Variants in ZNF514 observed in about 807,000 individuals in gnomAD.
ZNF514 encodes the protein zinc finger protein 514.
A neutral mutation model predicts 9.7 loss-of-function variants in ZNF514; 12 were observed. That is an observed-to-expected ratio of 1.24 (90% CI 0.79 to 2.01). The LOEUF (loss-of-function observed/expected upper bound fraction) is 2.01. Among genes scored for constraint, ZNF514 ranks in the 30% most tolerant of loss-of-function variants. ZNF514 has a pLI of 0.00. For missense variants in ZNF514, 467 were observed against 465.5 expected, an observed-to-expected ratio of 1.00 and a Z score of -0.03; for synonymous variants, 158 against 163.7, an observed-to-expected ratio of 0.97 and a Z score of 0.27.
intron 1 of ZNF514, 158 bp downstream of exon 1, chr2:95,159,082 G>A (rs1190885732): frequency 1.7e-6 from 2 of 1,152,026 alleles, no homozygotes; most frequent in Non-Finnish European, 2.2e-6. Context: ...GCGGGACGCA[G>A]GCTGGGGCTG....
At chr2:95,128,701 GGAA>G in the ZNF514 span, among the ~76,000 whole-genome samples, 3 of 150,128 alleles carry the variant, frequency 2.0e-5, no homozygotes, top group African/African-American at 7.4e-5. Context: ...AGGAGGAGGA[GGAA>G]GAAGGAGAAA....
At chr2:95,151,456 A>T (rs1673542406) in intron 4 of ZNF514, among the ~76,000 whole-genome samples, 1 of 152,210 alleles carries the variant, frequency 6.6e-6, no homozygotes, top group Non-Finnish European at 1.5e-5. Context: ...AATGAAAAGA[A>T]AAAAGGTGCC....
At chr2:95,136,845 T>C in the ZNF514 span, among the ~76,000 whole-genome samples, 7 of 152,146 alleles carry the variant, frequency 4.6e-5, no homozygotes, top group Admixed American at 4.6e-4. Flanking sequence ...CTATCTGAGG[T>C]AAAATCAGCC....
intron 2 of ZNF514, chr2:95,155,346 G>A (rs1251228013): frequency 3.3e-5 from 5 of 152,242 alleles, no homozygotes; most frequent in Non-Finnish European, 7.3e-5. Context: ...CCACTCCCAA[G>A]ACCAAGGGTC....
chr2:95,154,553 A>G lies in ZNF514; in HGVS notation c.-6-1294T>C, dbSNP rs377015304. 2.6e-5 allele frequency: 4 copies of G among 152,364 alleles called. No individual in the cohort carries two copies. The East Asian group carries it at 7.7e-4, about 29-fold the overall frequency. 9.4% of individuals were successfully genotyped at this position (152,364 alleles called of 1,614,324 possible). A position where few individuals can be genotyped will look rare whatever the true frequency, so the allele number is the denominator to read the frequency against. On this transcript the variant is annotated intron_variant, in intron 2 of 4. Coordinates refer to ENST00000295208, the MANE Select transcript of ZNF514 (RefSeq NM_032788.3). Reference sequence around the variant, plus strand: ...CCTTCAGTAACTTGAAAGATGAACAATGAAAGCATGAGCTTGTGATGTTAT... The same window carrying G: ...CCTTCAGTAACTTGAAAGATGAACAGTGAAAGCATGAGCTTGTGATGTTAT...
At position 95,147,420 on chromosome 2, in the gene ZNF514, A is replaced by G. The variant is rs1008706340; in HGVS notation, c.*1862T>C. The G allele has an allele frequency of 2.0e-5, 3 of 152,222 alleles. No individual in the cohort carries two copies. Among genetic ancestry groups the G allele is most frequent in the African/African-American group, 7.2e-5 (3 of 41,472 alleles). The allele number at this position is 152,222 out of a possible 1,614,324, so 9.4% of individuals were successfully genotyped here. ...TTCAATGATTTTTAGTGAAGTTACC[A>G]AATCGTTCAACCATCACCACCATCT... is the stretch of plus-strand genomic sequence containing the variant. On this transcript the variant is annotated 3_prime_UTR_variant, in exon 5 of 5. Transcript: ENST00000295208.
In ZNF514 at chr2:95,159,311, C is replaced by T. The variant is rs1484523748; in HGVS notation, c.-167G>A. On this transcript the variant is annotated 5_prime_UTR_variant, in exon 1 of 5. Coordinates refer to ENST00000295208, the MANE Select transcript of ZNF514 (RefSeq NM_032788.3). ...CACGTGGATCCACACGCACAGTGGG[C>T]TCAGACTACCAGGAGACACGGCCAC... 6.1e-6 allele frequency: 1 copy of T among 162,890 alleles called. No individual in the cohort carries two copies. Among genetic ancestry groups the T allele is most frequent in the Non-Finnish European group, 1.3e-5 (1 of 74,514 alleles). 10.1% of individuals were successfully genotyped at this position (162,890 alleles called of 1,614,324 possible).
intron 2 of ZNF514, chr2:95,155,193 A>T (rs1673656249): frequency 6.6e-6 from 1 of 152,246 alleles, no homozygotes; most frequent in South Asian, 2.1e-4. Flanking sequence ...AAGAAAGCTT[A>T]TTCTCCAGTA....
In ZNF514 at chr2:95,149,454, T is replaced by TA. The variant is rs774636982; in HGVS notation, c.1030dup (p.Tyr344LeufsTer4). On this transcript the variant is annotated frameshift_variant, in exon 5 of 5. Coordinates refer to ENST00000295208, the MANE Select transcript of ZNF514 (RefSeq NM_032788.3). LOFTEE classifies it low-confidence loss of function (END_TRUNC). ...GGCTCTCCCACATTTATTACATTTG[T>TA]AAGGTTTCTCTCCAGTATGAAATCT... is the stretch of plus-strand genomic sequence containing the variant. 1 of 1,613,962 alleles carries TA rather than the reference T, an allele frequency of 6.2e-7. No homozygotes were observed. Among genetic ancestry groups the TA allele is most frequent in the Non-Finnish European group, 8.5e-7 (1 of 1,179,962 alleles).
chr2:95,134,647 AC>A, the ZNF514 span, among the ~76,000 whole-genome samples: 1 of 152,204 alleles, frequency 6.6e-6, no homozygotes, highest in South Asian at 2.1e-4. Context: ...CCAGTCTGTC[AC>A]CCTAGCTTAA....
At position 95,149,171 on chromosome 2, in the gene ZNF514, G is replaced by A. The variant is rs1673445149; in HGVS notation, c.*111C>T. On this transcript the variant is annotated 3_prime_UTR_variant, in exon 5 of 5. Coordinates refer to ENST00000295208, the MANE Select transcript of ZNF514 (RefSeq NM_032788.3). Reference sequence around the variant, plus strand: ...GTAATTATTGCCTGATGTGGAACAAGATGTGGTCTTCCCACATACATTACA... The same window carrying A: ...GTAATTATTGCCTGATGTGGAACAAAATGTGGTCTTCCCACATACATTACA... 3 of 1,287,826 alleles carry A rather than the reference G, an allele frequency of 2.3e-6. No homozygotes were observed. Among genetic ancestry groups the A allele is most frequent in the African/African-American group, 1.5e-5 (1 of 67,272 alleles). 79.8% of individuals were successfully genotyped at this position (1,287,826 alleles called of 1,614,324 possible).
chr2:95,134,044 T>C, the ZNF514 span, among the ~76,000 whole-genome samples: 1 of 152,204 alleles, frequency 6.6e-6, no homozygotes, highest in Non-Finnish European at 1.5e-5. Context: ...AACAAGTATA[T>C]GAACTCAAAA....
rs774004947 is a variant in ZNF514 at position 95,149,874 on chromosome 2, C to A, written c.611G>T (p.Cys204Phe). 6.2e-7 allele frequency: 1 copy of A among 1,614,096 alleles called. No homozygotes were observed. Among genetic ancestry groups the A allele is most frequent in the Non-Finnish European group, 8.5e-7 (1 of 1,180,046 alleles). Residue 204 changes from cysteine to phenylalanine, a missense_variant, in exon 5 of 5, where the codon TGT becomes TTT. By Grantham distance (205) the Cys-to-Phe change is radical. Transcript: ENST00000295208. The stretch of plus-strand genomic sequence containing the variant: ...GGACTTCCCACACTCATTACATTTA[C>A]AAGATTTCTTTTCTGGGTGGGTTCT... ...SQRTHPEKKS[C>F]KCNECGKSFH...
chr2:95,140,435 C>T (rs188811708), downstream of ZNF514, among the ~76,000 whole-genome samples: 2 of 151,974 alleles, frequency 1.3e-5, no homozygotes, highest in Non-Finnish European at 1.5e-5. Flanking sequence ...GCCTGGCCAA[C>T]ATGGTGAAAC....
chr2:95,143,415 G>A (rs181178207), downstream of ZNF514, among the ~76,000 whole-genome samples: 1 of 152,270 alleles, frequency 6.6e-6, no homozygotes, highest in Admixed American at 6.5e-5. Flanking sequence ...GAGGTCAGGA[G>A]TTCAAGACCA....
chr2:95,132,287 A>G, the ZNF514 span, among the ~76,000 whole-genome samples: 708 of 152,274 alleles, frequency 4.6e-3, 9 homozygotes, highest in African/African-American at 0.016. Flanking sequence ...TCAACAGTAA[A>G]ATAACAAGCA....
chr2:95,156,846 G>C (rs1289263267), intron 2 of ZNF514, among the ~76,000 whole-genome samples: 1 of 152,038 alleles, frequency 6.6e-6, no homozygotes, highest in East Asian at 1.9e-4. Context: ...TCTGAACAGG[G>C]ACCCAGCTTC....
chr2:95,130,034 C>T, the ZNF514 span, among the ~76,000 whole-genome samples: 9 of 152,064 alleles, frequency 5.9e-5, no homozygotes, highest in South Asian at 2.1e-4. Context: ...GGACCTGCCC[C>T]GATAATCACG....
At chr2:95,135,345 T>C in the ZNF514 span, among the ~76,000 whole-genome samples, 4 of 152,166 alleles carry the variant, frequency 2.6e-5, no homozygotes, top group Non-Finnish European at 2.9e-5. Context: ...TTATACTTTT[T>C]GATGCCATTG....
Sources: allele counts gnomAD v4.1 joint callset (sites outside exome capture counted in the v4.1 genomes callset), GRCh38; gene constraint gnomAD v4.1.1; transcripts MANE v1.5; gene names NCBI Gene and HGNC (gene_info 2026-07-23, HGNC 2026-07-21).